APP: variants seen among roughly 807,000 people sequenced by gnomAD.
APP encodes the protein amyloid beta precursor protein.
APP carries 31 observed loss-of-function variants against 101.4 expected under a neutral mutation model. The ratio of observed to expected loss-of-function variants is 0.31; its 90% CI spans 0.23 to 0.41. The LOEUF (loss-of-function observed/expected upper bound fraction) is 0.41, where lower values mean the gene tolerates loss of function less well. Ranked by LOEUF, APP falls within the 10% of genes least tolerant of loss-of-function variation. The pLI, the probability that APP is intolerant of heterozygous loss-of-function variation, is 1.00. For missense variants in APP, 839 were observed against 1,003.7 expected, an observed-to-expected ratio of 0.84 and a Z score of 2.22; for synonymous variants, 366 against 364.4, an observed-to-expected ratio of 1.00 and a Z score of -0.05.
At chr21:25,983,315 G>A (rs2042511660) in intron 8 of APP, among the ~76,000 whole-genome samples, 1 of 152,138 alleles carries the variant, frequency 6.6e-6, no homozygotes, top group African/African-American at 2.4e-5. Flanking sequence ...TTAAGAGGAA[G>A]CATATTTAAC....
intron 13 of APP, chr21:25,934,267 C>G (rs2040268673): frequency 9.8e-6 from 1 of 102,058 alleles, no homozygotes; most frequent in African/African-American, 3.9e-5. Context: ...CTTCTAACCT[C>G]TAGAATAATG....
At chr21:26,117,584 T>G (rs1397955108) in intron 1 of APP, among the ~76,000 whole-genome samples, 1 of 152,188 alleles carries the variant, frequency 6.6e-6, no homozygotes, top group African/African-American at 2.4e-5. Context: ...GAGAAGGGAA[T>G]TCAACCTATT....
intron 3 of APP, 171 bp downstream of exon 3, chr21:26,089,772 T>C: frequency 3.2e-6 from 3 of 930,762 alleles, no homozygotes; most frequent in South Asian, 1.7e-5. Context: ...ATACTGCTCC[T>C]ATAGGGTCAG....
chr21:26,124,919 T>C (rs989910839), intron 1 of APP, among the ~76,000 whole-genome samples: 1 of 152,210 alleles, frequency 6.6e-6, no homozygotes, highest in African/African-American at 2.4e-5. Context: ...TTCCTGACCT[T>C]GATGGACAGA....
intron 3 of APP, among the ~76,000 whole-genome samples, chr21:26,064,578 T>C (rs2046387322): frequency 6.7e-6 from 1 of 150,152 alleles, no homozygotes; most frequent in Non-Finnish European, 1.5e-5. Flanking sequence ...GGGGCTTGCA[T>C]ACAGGGTAGA....
chr21:26,013,045 A>C (rs1253312657), intron 6 of APP, among the ~76,000 whole-genome samples: 1 of 150,328 alleles, frequency 6.7e-6, no homozygotes, highest in Non-Finnish European at 1.5e-5. Flanking sequence ...CAGCTGGTGC[A>C]GTGGCTCACA....
chr21:25,996,900 T>C (rs2043077641), intron 8 of APP, among the ~76,000 whole-genome samples: 2 of 152,220 alleles, frequency 1.3e-5, no homozygotes, highest in Admixed American at 1.3e-4. Context: ...TTTGAGATGG[T>C]TGCTTTGAGG....
chr21:25,952,812 A>T (rs900308819), intron 13 of APP, among the ~76,000 whole-genome samples: 1 of 152,198 alleles, frequency 6.6e-6, no homozygotes, highest in Non-Finnish European at 1.5e-5. Context: ...AAGACTGATA[A>T]ATTATTTCAT....
intron 6 of APP, among the ~76,000 whole-genome samples, chr21:26,001,008 A>C (rs1415700657): frequency 6.6e-6 from 1 of 152,028 alleles, no homozygotes; most frequent in Admixed American, 6.6e-5. Context: ...CAACTATAAC[A>C]ATGTATTATT....
At chr21:26,061,908 G>A (rs1282362182) in intron 3 of APP, among the ~76,000 whole-genome samples, 1 of 152,192 alleles carries the variant, frequency 6.6e-6, no homozygotes, top group Non-Finnish European at 1.5e-5. Context: ...ACAGATGGCA[G>A]AGTGAGTATA....
At chr21:25,991,520 G>GGCGCCCATCACC (rs1428428752) in intron 8 of APP, among the ~76,000 whole-genome samples, 4 of 152,116 alleles carry the variant, frequency 2.6e-5, no homozygotes, top group African/African-American at 9.7e-5. Context: ...TGGGATTACA[G>GGCGCCCATCACC]GCGCCCATCA....
At chr21:26,004,844 G>A (rs1039094064) in intron 6 of APP, among the ~76,000 whole-genome samples, 5 of 95,240 alleles carry the variant, frequency 5.2e-5, no homozygotes, top group South Asian at 3.8e-4. Context: ...GATGTTCCCC[G>A]CCCTGTGTCC....
In APP at chr21:26,016,931, G is replaced by T. The variant is rs865821305; in HGVS notation, c.865+4909C>A. Among the ~76,000 whole-genome samples the T allele has an allele frequency of 7.5e-3, 108 of 14,426 alleles. 5 individuals are homozygous for T. The highest frequency in any genetic ancestry group is 0.033 in the Middle Eastern group (1 of 30). 9.5% of individuals were successfully genotyped at this position (14,426 alleles called of 152,430 possible). A position where few individuals can be genotyped will look rare whatever the true frequency, so the allele number is the denominator to read the frequency against. On this transcript the variant is annotated intron_variant, in intron 6 of 17. Coordinates refer to ENST00000346798, the MANE Select transcript of APP (RefSeq NM_000484.4). ...GTGGCCTGTATTCCCAGCACTTTGT[G>T]GGGGGCGGGGGGCGGGGGGCGGGGG... is the stretch of plus-strand genomic sequence containing the variant.
Position 25,911,914 on chromosome 21 carries a change from T to C in APP, c.1736A>G (p.Asn579Ser), listed in dbSNP as rs1157549212. ...EQNYSDDVLANMISEPRISYG... is the reference protein window; with the variant it reads ...EQNYSDDVLASMISEPRISYG... ...ACTGATCCTTGGTTCACTAATCATG[T>C]TGGCCAAGACGTCATCTGAATAGTT... Residue 579 changes from asparagine to serine, a missense_variant, in exon 14 of 18, where the codon AAC becomes AGC. Coordinates refer to ENST00000346798, the MANE Select transcript of APP (RefSeq NM_000484.4). 5 of 1,614,208 alleles carry C rather than the reference T, an allele frequency of 3.1e-6. No individual in the cohort carries two copies. The highest frequency in any genetic ancestry group is 3.4e-6 in the Non-Finnish European group (4 of 1,180,026).
At chr21:25,982,516 CCAA>C (rs777589689) in intron 8 of APP, 39 bp from the exon 9 acceptor site, 108 of 1,601,596 alleles carry the variant, frequency 6.7e-5, no homozygotes, top group Non-Finnish European at 8.9e-5. Context: ...GAAAAAAAAG[CCAA>C]CAACAACAGA....
At chr21:26,078,827 T>TGAGGTCGG (rs2061542940) in intron 3 of APP, among the ~76,000 whole-genome samples, 1 of 152,144 alleles carries the variant, frequency 6.6e-6, no homozygotes, top group South Asian at 2.1e-4. Flanking sequence ...GCGGATCACC[T>TGAGGTCGG]GAGGTCGGGA....
At chr21:25,957,350 C>T (rs2041365087) in intron 11 of APP, among the ~76,000 whole-genome samples, 1 of 151,616 alleles carries the variant, frequency 6.6e-6, no homozygotes, top group South Asian at 2.1e-4. Flanking sequence ...ATAGGTTATA[C>T]ATGTGAATTA....
intron 17 of APP, among the ~76,000 whole-genome samples, chr21:25,889,597 T>C (rs2037555440): frequency 6.6e-6 from 1 of 152,156 alleles, no homozygotes; most frequent in African/African-American, 2.4e-5. Context: ...TCCCAGCACC[T>C]TGGGAGGTTG....
intron 1 of APP, among the ~76,000 whole-genome samples, chr21:26,161,294 T>C (rs182377923): frequency 3.9e-5 from 6 of 152,350 alleles, no homozygotes; most frequent in Admixed American, 1.3e-4. Context: ...ATATAGTTCC[T>C]TCCCCCAGTT....
Sources: gnomAD v4.1 joint callset for allele counts (sites outside exome capture counted in the v4.1 genomes callset) on GRCh38, gnomAD v4.1.1 for gene constraint, MANE v1.5 for transcripts, NCBI Gene and HGNC (gene_info 2026-07-23, HGNC 2026-07-21) for gene names.